EBF2: variants seen among roughly 807,000 people sequenced by gnomAD.
The protein encoded by EBF2 is EBF transcription factor 2.
In EBF2, 21 loss-of-function variants were observed where a neutral mutation model predicts 72.8. The observed-to-expected ratio is 0.29, with a 90% confidence interval of 0.20 to 0.42. The LOEUF is 0.42. Among genes scored for constraint, EBF2 ranks in the 10% least tolerant of loss-of-function variants. The pLI is 1.00. For synonymous variants in EBF2, 299 were observed against 274.2 expected, an observed-to-expected ratio of 1.09 and a Z score of -0.89; for missense variants, 637 against 731.2, an observed-to-expected ratio of 0.87 and a Z score of 1.49.
intron 6 of EBF2, among the ~76,000 whole-genome samples, chr8:25,913,456 G>A (rs1041569950): frequency 6.6e-6 from 1 of 151,968 alleles, no homozygotes; most frequent in African/African-American, 2.4e-5. Flanking sequence ...AAATAAATGG[G>A]AATTCACATA....
At chr8:25,946,196 G>A (rs1038649661) in intron 6 of EBF2, among the ~76,000 whole-genome samples, 1 of 152,258 alleles carries the variant, frequency 6.6e-6, no homozygotes, top group Admixed American at 6.5e-5. Context: ...ATCACTGTAT[G>A]TGGAATGAGG....
At chr8:25,911,522 A>G (rs1300140610) in intron 6 of EBF2, among the ~76,000 whole-genome samples, 1 of 152,176 alleles carries the variant, frequency 6.6e-6, no homozygotes, top group African/African-American at 2.4e-5. Context: ...CCTTTACTCT[A>G]CAGATCCATT....
intron 6 of EBF2, among the ~76,000 whole-genome samples, chr8:25,936,601 C>T (rs929363759): frequency 6.6e-6 from 1 of 152,168 alleles, no homozygotes; most frequent in African/African-American, 2.4e-5. Context: ...AACAGTATAA[C>T]TTAAATGCCA....
At chr8:25,994,517 CAA>C (rs1804592111) in intron 6 of EBF2, among the ~76,000 whole-genome samples, 1 of 152,144 alleles carries the variant, frequency 6.6e-6, no homozygotes. Context: ...TTCACAATAG[CAA>C]AGACATCAGA....
intron 14 of EBF2, among the ~76,000 whole-genome samples, chr8:25,856,038 G>C (rs933172530): frequency 1.3e-5 from 2 of 152,200 alleles, no homozygotes; most frequent in African/African-American, 2.4e-5. Flanking sequence ...TGAAAGAACA[G>C]TAGAAGGAAG....
In EBF2 at chr8:25,842,427, C is replaced by G. The variant is rs979066304; in HGVS notation, c.*2182G>C. On this transcript the variant is annotated 3_prime_UTR_variant, in exon 16 of 16. Transcript: ENST00000520164. ...CATCTTCATGCAAAAGGAAAATTCA[C>G]AGGTTCTAAAAGCAATGCTACTTAA... is the stretch of plus-strand genomic sequence containing the variant. 1 of 152,138 alleles carries G rather than the reference C, an allele frequency of 6.6e-6. No homozygotes were observed. Among genetic ancestry groups the G allele is most frequent in the African/African-American group, 2.4e-5 (1 of 41,434 alleles). 9.4% of individuals were successfully genotyped at this position (152,138 alleles called of 1,614,324 possible).
intron 5 of EBF2, among the ~76,000 whole-genome samples, chr8:26,034,501 G>T (rs1443371349): frequency 6.6e-6 from 1 of 152,164 alleles, no homozygotes; most frequent in Non-Finnish European, 1.5e-5. Context: ...CCTGAGAGGG[G>T]TGCAAAACAC....
chr8:25,980,744 A>C (rs1375162185), intron 6 of EBF2, among the ~76,000 whole-genome samples: 1 of 144,606 alleles, frequency 6.9e-6, no homozygotes, highest in Admixed American at 7.0e-5. Context: ...CAATTTCTAG[A>C]CCGATGACCT....
chr8:25,883,887 C>T (rs1364866986), intron 10 of EBF2, among the ~76,000 whole-genome samples: 1 of 152,118 alleles, frequency 6.6e-6, no homozygotes, highest in Non-Finnish European at 1.5e-5. Flanking sequence ...TCAGGGACAG[C>T]ACACGCTTCT....
chr8:26,020,819 C>A (rs1209358357), intron 6 of EBF2, among the ~76,000 whole-genome samples: 5 of 152,152 alleles, frequency 3.3e-5, no homozygotes, highest in African/African-American at 1.2e-4. Context: ...TACTCTTCAT[C>A]CTGTGCCTTG....
chr8:25,862,486 C>T (rs767138764), intron 11 of EBF2, among the ~76,000 whole-genome samples: 2 of 151,916 alleles, frequency 1.3e-5, no homozygotes, highest in African/African-American at 2.4e-5. Context: ...ATACTCCTGT[C>T]GTGTATCTGT....
chr8:25,980,932 A>G (rs1229771361), intron 6 of EBF2, among the ~76,000 whole-genome samples: 1 of 147,552 alleles, frequency 6.8e-6, no homozygotes, highest in Non-Finnish European at 1.5e-5. Context: ...AGTAACTGTG[A>G]CCTGTCCTGG....
chr8:26,009,748 A>C (rs1804945939), intron 6 of EBF2, among the ~76,000 whole-genome samples: 1 of 152,236 alleles, frequency 6.6e-6, no homozygotes, highest in Non-Finnish European at 1.5e-5. Context: ...AACAAGTTAA[A>C]TAGAGGGTAG....
chr8:25,878,300 T>G (rs1016808850), intron 10 of EBF2, among the ~76,000 whole-genome samples: 1 of 152,178 alleles, frequency 6.6e-6, no homozygotes, highest in African/African-American at 2.4e-5. Flanking sequence ...AGCACTGTCC[T>G]GCAGTGAAGC....
chr8:26,024,899 G>T (rs560910327), intron 6 of EBF2, among the ~76,000 whole-genome samples: 1 of 152,270 alleles, frequency 6.6e-6, no homozygotes, highest in Non-Finnish European at 1.5e-5. Flanking sequence ...AATGCCATGT[G>T]ATGTCTGATA....
intron 6 of EBF2, among the ~76,000 whole-genome samples, chr8:25,942,856 CTG>C (rs1192700424): frequency 6.6e-6 from 1 of 152,188 alleles, no homozygotes; most frequent in African/African-American, 2.4e-5. Flanking sequence ...CCACGCTCTT[CTG>C]CTGTTCACAG....
Position 25,846,438 on chromosome 8 carries a change from A to C in EBF2, c.1697-1798T>G, listed in dbSNP as rs553935551. 5.3e-5 allele frequency among the ~76,000 whole-genome samples: 8 copies of C among 152,300 alleles called. 1 individual carries two copies. Among genetic ancestry groups the C allele is most frequent in the Admixed American group, 4.6e-4 (7 of 15,292 alleles). ...CACGGTGGCTAACACCTGTAATCCC[A>C]GCTGTTTAGGAGGCTGAGGTGGGAG... On this transcript the variant is annotated intron_variant, in intron 15 of 15. Transcript: ENST00000520164.
intron 14 of EBF2, among the ~76,000 whole-genome samples, chr8:25,853,292 C>CTT (rs1802019895): frequency 6.6e-6 from 1 of 151,608 alleles, no homozygotes; most frequent in African/African-American, 2.4e-5. Context: ...ATTTGTAATA[C>CTT]TTATTTAGAT....
At chr8:25,905,407 G>T (rs1803017643) in intron 7 of EBF2, among the ~76,000 whole-genome samples, 1 of 152,106 alleles carries the variant, frequency 6.6e-6, no homozygotes, top group Non-Finnish European at 1.5e-5. Flanking sequence ...CAGTGTCATT[G>T]TTTGTAATAG....
Sources: allele counts gnomAD v4.1 joint callset (sites outside exome capture counted in the v4.1 genomes callset), GRCh38; gene constraint gnomAD v4.1.1; transcripts MANE v1.5; gene names NCBI Gene and HGNC (gene_info 2026-07-23, HGNC 2026-07-21).